The following KIF1A variants were observed in gnomAD, a reference collection of about 807,000 sequenced individuals.
KIF1A encodes the protein kinesin family member 1A.
In KIF1A, 46 loss-of-function variants were observed where a neutral mutation model predicts 227.3. That is an observed-to-expected ratio of 0.20 (90% CI 0.16 to 0.26). The LOEUF (loss-of-function observed/expected upper bound fraction) is 0.26. KIF1A is among the 10% of genes least tolerant of loss of function. The pLI is 1.00. For missense variants in KIF1A, 1,683 were observed against 2,485.9 expected (o/e 0.68, Z 6.87); for synonymous variants, 1,022 against 1,012.8 (o/e 1.01, Z -0.17).
At chr2:240,787,485 A>G (rs1291087785) in intron 4 of KIF1A, among the ~76,000 whole-genome samples, 169 bp from the exon 5 acceptor site, 1 of 152,146 alleles carries the variant, frequency 6.6e-6, no homozygotes, top group East Asian at 1.9e-4. Flanking sequence ...GTCTGTAGCC[A>G]AGGAGCCAGT....
At chr2:240,809,668 A>AT (rs59491347) in intron 1 of KIF1A, among the ~76,000 whole-genome samples, 2,711 of 140,342 alleles carry the variant, frequency 0.019, 55 homozygotes, top group African/African-American at 0.049. Context: ...TAGGGAAGGA[A>AT]TTTTTTTTTT....
At chr2:240,820,760 G>A (rs1411558578), upstream of KIF1A, among the ~76,000 whole-genome samples, 3 of 151,848 alleles carry the variant, frequency 2.0e-5, no homozygotes, top group Non-Finnish European at 2.9e-5. This position sits in a 1 kb window ranked among gnomAD's most constrained non-coding sequence, Gnocchi z 6.2. Flanking sequence ...ATCTTGTGTC[G>A]GGGCCGGGGC....
intron 37 of KIF1A, 117 bp from the exon 38 acceptor site, chr2:240,737,285 T>C (rs1018832313): frequency 1.1e-5 from 9 of 795,966 alleles, no homozygotes; most frequent in Admixed American, 1.1e-4. Flanking sequence ...CACTAGAGCG[T>C]CTGTCAAAGG....
At chr2:240,729,026 AACACGTCAGCATCGCTGTCTGGT>A (rs1345173647) in intron 38 of KIF1A, among the ~76,000 whole-genome samples, 5 of 152,220 alleles carry the variant, frequency 3.3e-5, no homozygotes, top group Admixed American at 6.5e-5. Flanking sequence ...CCCTGTCTGG[AACACGTCAGCATCGCTGTCTGGT>A]ACACGTCAGC....
chr2:240,723,673 TC>T (rs1256685443), intron 41 of KIF1A, 115 bp from the exon 42 acceptor site: 5 of 1,243,008 alleles, frequency 4.0e-6, no homozygotes, highest in Non-Finnish European at 5.5e-6. Flanking sequence ...GAGATGGGCT[TC>T]CCCTGGTCCT....
chr2:240,770,288 C>T (rs948261688), intron 15 of KIF1A, among the ~76,000 whole-genome samples: 23 of 152,354 alleles, frequency 1.5e-4, no homozygotes, highest in Non-Finnish European at 2.4e-4. Context: ...CTAAAATGAT[C>T]CCGGCCCATT....
chr2:240,816,469 G>A (rs1359698761), intron 1 of KIF1A, among the ~76,000 whole-genome samples: 2 of 152,042 alleles, frequency 1.3e-5, no homozygotes, highest in Non-Finnish European at 2.9e-5. Context: ...TGTGGGGAGG[G>A]GTGAGGAATA....
intron 32 of KIF1A, among the ~76,000 whole-genome samples, chr2:240,744,352 G>C (rs1034101323): frequency 1.1e-4 from 17 of 152,190 alleles, no homozygotes; most frequent in Admixed American, 7.2e-4. Context: ...AGGTGACAAA[G>C]GGCAGCGCTG....
At position 240,784,199 on chromosome 2, in the gene KIF1A, G is replaced by T. The variant is rs74002921; in HGVS notation, c.721-383C>A. On this transcript the variant is annotated intron_variant, in intron 7 of 48. Transcript: ENST00000498729. ...TTGGATTAGAACCCAGCTCCAGGAG[G>T]CCCTGGCCCTGCTCAGCCACCACAC... Among the ~76,000 whole-genome samples, 1,384 of 152,298 alleles carry T rather than the reference G, an allele frequency of 9.1e-3. 23 individuals carry two copies. Among genetic ancestry groups the T allele is most frequent in the African/African-American group, 0.032 (1,326 of 41,566 alleles).
Position 240,742,820 on chromosome 2 carries a change from G to GCA in KIF1A, c.3640+107_3640+108dup, listed in dbSNP as rs1276852104. ...GGGTGGCGCCAGAGTGCCTGGGAGG[G>GCA]CACAGCCCAGTCACAGAGGACAGCA... On this transcript the variant is annotated intron_variant, in intron 34 of 48. Coordinates refer to ENST00000498729, the MANE Select transcript of KIF1A (RefSeq NM_001244008.2). The GCA allele has an allele frequency of 8.8e-6, 9 of 1,018,230 alleles. No individual in the cohort carries two copies. In the Admixed American group the frequency reaches 1.4e-4, roughly 16 times the overall value. The allele number at this position is 1,018,230 out of a possible 1,614,324, so 63.1% of individuals were successfully genotyped here.
chr2:240,742,688 G>GC (rs1288197371), intron 34 of KIF1A, among the ~76,000 whole-genome samples: 2 of 152,138 alleles, frequency 1.3e-5, no homozygotes, highest in Non-Finnish European at 2.9e-5. Context: ...CCCTCTTGCT[G>GC]CCTTCCTTCC....
intron 38 of KIF1A, among the ~76,000 whole-genome samples, chr2:240,732,307 GGAGGA>G (rs2046787366): frequency 7.1e-6 from 1 of 140,594 alleles, no homozygotes; most frequent in African/African-American, 2.7e-5. Flanking sequence ...GAGAATGAGG[GGAGGA>G]GGGGATGAGG....
At chr2:240,782,636 A>T (rs1380732814) in intron 9 of KIF1A, 29 bp from the exon 10 acceptor site, 1 of 1,550,960 alleles carries the variant, frequency 6.4e-7, no homozygotes, top group East Asian at 2.4e-5. Flanking sequence ...AGAGAGGCTG[A>T]GGCCCGGAGC....
intron 27 of KIF1A, 64 bp from the exon 28 acceptor site, chr2:240,750,611 T>A: frequency 8.5e-7 from 1 of 1,176,502 alleles, no homozygotes; most frequent in South Asian, 1.3e-5. Context: ...ACGGCAGCGG[T>A]GGCAGCATGG....
rs1159262564 is a variant in KIF1A, at chr2:240,790,602, G to A, written c.107-1290C>T. ...CTTTACCCCCAGTATCTCAGAATGG[G>A]ACCTCATTTGGAGATAAAGTTGCTG... On this transcript the variant is annotated intron_variant, in intron 2 of 48. Transcript: ENST00000498729. This position sits in a 1 kb window ranked among gnomAD's most constrained non-coding sequence, Gnocchi z 5.0. 1.3e-5 allele frequency among the ~76,000 whole-genome samples: 2 copies of A among 151,932 alleles called. No homozygotes were observed. Among genetic ancestry groups the A allele is most frequent in the Non-Finnish European group, 2.9e-5 (2 of 68,026 alleles).
chr2:240,735,049 G>A (rs141499180), intron 38 of KIF1A, among the ~76,000 whole-genome samples: 1 of 152,330 alleles, frequency 6.6e-6, no homozygotes, highest in African/African-American at 2.4e-5. Context: ...GCACAGGAAG[G>A]CCCACTGGCC....
Position 240,766,929 on chromosome 2 carries a change from C to G in KIF1A, c.1670G>C (p.Arg557Thr), listed in dbSNP as rs773904723. 2 of 1,610,310 alleles carry G rather than the reference C, an allele frequency of 1.2e-6. No individual in the cohort carries two copies. Among genetic ancestry groups the G allele is most frequent in the Non-Finnish European group, 1.7e-6 (2 of 1,178,578 alleles). Residue 557 changes from arginine to threonine, a missense_variant, in exon 19 of 49, where the codon AGG (arginine) becomes ACG (threonine). Arg to Thr is a moderately conservative substitution (Grantham distance 71). Coordinates refer to ENST00000498729, the MANE Select transcript of KIF1A (RefSeq NM_001244008.2). This position sits in a 1 kb window ranked among gnomAD's most constrained non-coding sequence, Gnocchi z 5.0. ...EEHCVFRSDS[R>T]GGSEAVVTLE... ...GGTGGTGATACCTTCGCTGCCTCCCCTGGAGTCGCTCCGGAAGACGCAGTG... is the reference window on the plus strand; with the variant it reads ...GGTGGTGATACCTTCGCTGCCTCCCGTGGAGTCGCTCCGGAAGACGCAGTG...
chr2:240,812,472 G>T (rs1365440550), intron 1 of KIF1A, among the ~76,000 whole-genome samples: 1 of 151,818 alleles, frequency 6.6e-6, no homozygotes, highest in African/African-American at 2.4e-5. Context: ...TCACCTCAGG[G>T]GCCCGCCTTT....
At position 240,725,531 on chromosome 2, in the gene KIF1A, G is replaced by A; in HGVS notation, c.4123-127C>T. On this transcript the variant is annotated intron_variant, in intron 39 of 48. Transcript: ENST00000498729. The surrounding 1 kb of genome is among the most constrained non-coding windows in gnomAD (Gnocchi z 5.8). ...GCCCCAGGGCCTTCCCAGGGCCTCA[G>A]GTGTGGCCTGGACGCAGGCAGGAGA... 1 of 1,004,746 alleles carries A rather than the reference G, an allele frequency of 1.0e-6. No homozygotes were observed. 62.2% of individuals were successfully genotyped at this position (1,004,746 alleles called of 1,614,324 possible).
Sources: allele counts gnomAD v4.1 joint callset (sites outside exome capture counted in the v4.1 genomes callset), GRCh38; gene constraint gnomAD v4.1.1; non-coding constraint Gnocchi (gnomAD v3.1); transcripts MANE v1.5; gene names NCBI Gene and HGNC (gene_info 2026-07-23, HGNC 2026-07-21).